WWC1: variants seen among roughly 807,000 people sequenced by gnomAD.
WWC1 encodes WW and C2 domain containing 1, also known as protein KIBRA.
WWC1 carries 55 observed loss-of-function variants against 138.4 expected under a neutral mutation model. That is an observed-to-expected ratio of 0.40 (90% CI 0.32 to 0.50). The LOEUF (loss-of-function observed/expected upper bound fraction) is 0.50. Among genes scored for constraint, WWC1 ranks in the 20% least tolerant of loss-of-function variants. The pLI is 0.72. For synonymous variants in WWC1, 524 were observed against 564.9 expected (o/e 0.93, Z 1.03); for missense variants, 1,226 against 1,420.4 (o/e 0.86, Z 2.20).
intron 16 of WWC1, among the ~76,000 whole-genome samples, chr5:168,443,691 G>C (rs1165615404): frequency 6.6e-6 from 1 of 152,168 alleles, no homozygotes; most frequent in East Asian, 1.9e-4. Context: ...CACAGTGCCT[G>C]CTATATACCA....
intron 5 of WWC1, 34 bp downstream of exon 5, chr5:168,399,601 T>G (rs1290514212): frequency 1.9e-6 from 3 of 1,606,748 alleles, no homozygotes; most frequent in Non-Finnish European, 2.6e-6. Flanking sequence ...GCATGGGGGC[T>G]GCTCCCCACC....
chr5:168,440,873 A>T (rs4976552), intron 15 of WWC1, among the ~76,000 whole-genome samples: 32,087 of 152,144 alleles, frequency 0.21, 3,777 homozygotes, highest in East Asian at 0.4. Context: ...AACACTGCTC[A>T]CAATAGTGAA....
At chr5:168,335,034 T>C (rs1561623019) in intron 1 of WWC1, among the ~76,000 whole-genome samples, 3 of 151,908 alleles carry the variant, frequency 2.0e-5, no homozygotes, top group South Asian at 2.1e-4. Context: ...TTGATTTTTT[T>C]CCCCTCTAAA....
rs187592576 is a variant in WWC1, at chr5:168,352,776, G to A, written c.120-18648G>A. Among the ~76,000 whole-genome samples the A allele has an allele frequency of 1.3e-4, 20 of 151,950 alleles. No individual in the cohort carries two copies. In the East Asian group the frequency reaches 3.5e-3, roughly 26 times the overall value. On this transcript the variant is annotated intron_variant, in intron 1 of 22. Transcript: ENST00000265293. ...TTTTTGTATGTTTAGTAGAGATGGG[G>A]TTTCACCATGTTGGTCAGGCTGGTC... is the stretch of plus-strand genomic sequence containing the variant.
intron 8 of WWC1, 85 bp downstream of exon 8, chr5:168,410,080 C>T: frequency 7.8e-7 from 1 of 1,280,466 alleles, no homozygotes; most frequent in Non-Finnish European, 1.1e-6. Flanking sequence ...TAGCTTTTCA[C>T]ACACTTCGTC....
rs539875431 is a variant in WWC1 at position 168,435,959 on chromosome 5, C to T, written c.2280+4515C>T. ...CCGGGTCCAAACCATTCTCCTGCCT[C>T]AGCCTCCCAAGTAGCTGGGACTATA... On this transcript the variant is annotated intron_variant, in intron 15 of 22. Transcript: ENST00000265293. Among the ~76,000 whole-genome samples, 300 of 152,226 alleles carry T rather than the reference C, an allele frequency of 2.0e-3. 1 individual carries two copies. In the Middle Eastern group the frequency reaches 0.027, roughly 14 times the overall value.
chr5:168,359,359 A>G (rs1021394660), intron 1 of WWC1, among the ~76,000 whole-genome samples: 7 of 152,110 alleles, frequency 4.6e-5, no homozygotes, highest in African/African-American at 1.7e-4. Flanking sequence ...TGGCCTATAC[A>G]CTATAGAGTT....
chr5:168,357,595 C>A (rs931195291), intron 1 of WWC1, among the ~76,000 whole-genome samples: 1 of 151,948 alleles, frequency 6.6e-6, no homozygotes, highest in African/African-American at 2.4e-5. Flanking sequence ...GCAAAGAGGA[C>A]AATGCCCAGA....
intron 15 of WWC1, among the ~76,000 whole-genome samples, chr5:168,441,280 G>T (rs1460237923): frequency 2.0e-5 from 3 of 152,194 alleles, no homozygotes; most frequent in South Asian, 2.1e-4. Flanking sequence ...GGAAAAAGAG[G>T]TTGTTGCTTA....
intron 5 of WWC1, among the ~76,000 whole-genome samples, chr5:168,404,905 T>A (rs976884675): frequency 4.0e-4 from 54 of 135,974 alleles, no homozygotes; most frequent in African/African-American, 7.3e-4. Flanking sequence ...TTTTTTTTTT[T>A]AATTTTTCCC....
intron 2 of WWC1, among the ~76,000 whole-genome samples, chr5:168,377,800 G>A (rs981701216): frequency 2.0e-5 from 3 of 152,210 alleles, no homozygotes; most frequent in Non-Finnish European, 2.9e-5. Flanking sequence ...GTGAGGATGT[G>A]GAGAAAAGAG....
chr5:168,315,252 C>T lies in WWC1; in HGVS notation c.119+22981C>T, dbSNP rs575573389. Reference sequence around the variant, plus strand: ...CACAGACTTCCTGCTTTAGACTCCCCAGAGGAGCTTGTAAAATGCAGATTC... The same window carrying T: ...CACAGACTTCCTGCTTTAGACTCCCTAGAGGAGCTTGTAAAATGCAGATTC... On this transcript the variant is annotated intron_variant, in intron 1 of 22. Transcript: ENST00000265293. 1.4e-3 allele frequency among the ~76,000 whole-genome samples: 218 copies of T among 152,022 alleles called. 1 individual carries two copies. Among genetic ancestry groups the T allele is most frequent in the Non-Finnish European group, 2.4e-3 (160 of 67,978 alleles).
chr5:168,388,172 G>T (rs1160420243), intron 3 of WWC1, among the ~76,000 whole-genome samples: 1 of 152,122 alleles, frequency 6.6e-6, no homozygotes, highest in Non-Finnish European at 1.5e-5. Context: ...GCCTTCTGAC[G>T]TGATGCAATA....
At chr5:168,441,335 ATC>A (rs1464441140) in intron 15 of WWC1, among the ~76,000 whole-genome samples, 12 of 152,176 alleles carry the variant, frequency 7.9e-5, no homozygotes, top group Non-Finnish European at 1.3e-4. Context: ...TGTTCAGTAG[ATC>A]TCTTTTGCAA....
chr5:168,423,472 G>A, intron 10 of WWC1, 61 bp from the exon 11 acceptor site: 1 of 1,529,456 alleles, frequency 6.5e-7, no homozygotes, highest in Non-Finnish European at 8.8e-7. Context: ...CTCAGCAGAA[G>A]GTCTCAGGGG....
intron 15 of WWC1, among the ~76,000 whole-genome samples, chr5:168,435,763 C>T (rs1260804153): frequency 6.6e-6 from 1 of 152,128 alleles, no homozygotes; most frequent in Non-Finnish European, 1.5e-5. Flanking sequence ...TGTTTCTTTC[C>T]CTTTCTTTAT....
At chr5:168,456,694 G>A (rs72830939) in intron 19 of WWC1, among the ~76,000 whole-genome samples, 17,830 of 106,754 alleles carry the variant, frequency 0.17, 1,298 homozygotes, top group Non-Finnish European at 0.2. Context: ...ATAATGCTCC[G>A]CCAATTTTTT....
rs1773734512 is a variant in WWC1 at position 168,338,896 on chromosome 5, TC to T, written c.120-32527del. ...TTACAGCTAGACAGGAGGAATACATTCTAGTGTTCTATAGCACTAAAAAACT... is the reference window on the plus strand; with the variant it reads ...TTACAGCTAGACAGGAGGAATACATTTAGTGTTCTATAGCACTAAAAAACT... On this transcript the variant is annotated intron_variant, in intron 1 of 22. Transcript: ENST00000265293. Among the ~76,000 whole-genome samples, 4 of 152,218 alleles carry T rather than the reference TC, an allele frequency of 2.6e-5. No homozygotes were observed. In the South Asian group the frequency reaches 8.3e-4, roughly 32 times the overall value.
intron 1 of WWC1, among the ~76,000 whole-genome samples, chr5:168,328,819 G>A (rs1013991855): frequency 6.6e-6 from 1 of 152,302 alleles, no homozygotes; most frequent in East Asian, 1.9e-4. Flanking sequence ...ACAGGCATGA[G>A]CCACCGCGCC....
Sources: gnomAD v4.1 joint callset for allele counts (sites outside exome capture counted in the v4.1 genomes callset) on GRCh38, gnomAD v4.1.1 for gene constraint, MANE v1.5 for transcripts, NCBI Gene and HGNC (gene_info 2026-07-23, HGNC 2026-07-21) for gene names.